Variants in GLRA2 observed in about 807,000 individuals in gnomAD.
The protein encoded by GLRA2 is glycine receptor alpha 2.
A neutral mutation model predicts 31.6 loss-of-function variants in GLRA2; 11 were observed. The observed-to-expected ratio is 0.35, with a 90% CI of 0.22 to 0.58. GLRA2 has a LOEUF of 0.58. Among genes scored for constraint, GLRA2 ranks in the 20% least tolerant of loss-of-function variants. The pLI, the probability that GLRA2 is intolerant of heterozygous loss-of-function variation, is 0.84. For missense variants in GLRA2, 212 were observed against 351.8 expected, an observed-to-expected ratio of 0.60 and a Z score of 3.18; for synonymous variants, 132 against 134.0, an observed-to-expected ratio of 0.99 and a Z score of 0.10.
chrX:14,696,492 G>A (rs1431180094), intron 8 of GLRA2, among the ~76,000 whole-genome samples: 1 of 111,988 alleles, frequency 8.9e-6, no homozygotes, highest in Admixed American at 9.4e-5. Context: ...GGAAGGCCGA[G>A]GATGGGGTCT....
At chrX:14,658,934 G>A (rs73199684) in intron 7 of GLRA2, among the ~76,000 whole-genome samples, 27,821 of 111,001 alleles carry the variant, frequency 0.25, 2,723 homozygotes, top group Non-Finnish European at 0.31. Flanking sequence ...CTTACCCAAA[G>A]TGATAGGGTA....
At chrX:14,681,910 A>AATATATATATATATATATATAT (rs1556060452) in intron 7 of GLRA2, among the ~76,000 whole-genome samples, 16 of 41,250 alleles carry the variant, frequency 3.9e-4, no homozygotes, top group South Asian at 9.1e-4. Flanking sequence ...AAAAAAAAAA[A>AATATATATATATATATATATAT]ATATATATAT....
In GLRA2 at chrX:14,574,209, CT is replaced by C. The variant is rs34714107; in HGVS notation, c.203-115del. 467 of 489,490 alleles carry C rather than the reference CT, an allele frequency of 9.5e-4. 1 individual carries two copies. Among genetic ancestry groups the C allele is most frequent in the African/African-American group, 7.2e-3 (301 of 41,581 alleles). The allele number at this position is 489,490 out of a possible 1,213,427, so 40.3% of individuals were successfully genotyped here. ...TATCATTATGCACCTCAGGGTAAAA[CT>C]TTTTTTTTGGCAATCTCACCATCAT... On this transcript the variant is annotated intron_variant, in intron 2 of 8. Transcript: ENST00000218075.
At chrX:14,475,045 C>G in the GLRA2 span, among the ~76,000 whole-genome samples, 1 of 111,457 alleles carries the variant, frequency 9.0e-6, no homozygotes, top group African/African-American at 3.3e-5. Flanking sequence ...GAGTGGACAC[C>G]TTTTTCTAGA....
chrX:14,686,686 C>A (rs1027739329), intron 7 of GLRA2, among the ~76,000 whole-genome samples: 1 of 111,479 alleles, frequency 9.0e-6, no homozygotes, highest in African/African-American at 3.3e-5. Flanking sequence ...TCCTCCATCC[C>A]TTTATTTTGA....
chrX:14,559,708 C>T (rs1008878082), intron 2 of GLRA2, among the ~76,000 whole-genome samples: 1 of 109,587 alleles, frequency 9.1e-6, no homozygotes, highest in African/African-American at 3.3e-5. Flanking sequence ...CATGAGCCAC[C>T]GCACCCAGCT....
At chrX:14,693,239 C>T (rs994287341) in intron 8 of GLRA2, among the ~76,000 whole-genome samples, 1 of 111,426 alleles carries the variant, frequency 9.0e-6, no homozygotes, top group Non-Finnish European at 1.9e-5. Flanking sequence ...AATAGGCACA[C>T]CTATAATATA....
chrX:14,696,924 G>A (rs186444155), intron 8 of GLRA2, among the ~76,000 whole-genome samples: 1 of 111,776 alleles, frequency 8.9e-6, no homozygotes, highest in Non-Finnish European at 1.9e-5. Flanking sequence ...TTAAGTCTTG[G>A]GGGGAGTTGA....
At chrX:14,658,365 G>A (rs934938552) in intron 7 of GLRA2, among the ~76,000 whole-genome samples, 4 of 111,407 alleles carry the variant, frequency 3.6e-5, no homozygotes, top group African/African-American at 6.5e-5. Flanking sequence ...AAATTAAATC[G>A]TTTTCGTCTT....
At chrX:14,683,581 G>T (rs1002276035) in intron 7 of GLRA2, among the ~76,000 whole-genome samples, 4 of 111,549 alleles carry the variant, frequency 3.6e-5, no homozygotes, top group African/African-American at 1.3e-4. Flanking sequence ...TTTGGCTTTT[G>T]TTGCCATTGC....
Position 14,657,774 on chromosome X carries a change from T to TTGATGATGATGATTGG in GLRA2, c.931-32921_931-32906dup, listed in dbSNP as rs1461795071. Among the ~76,000 whole-genome samples the TTGATGATGATGATTGG allele has an allele frequency of 1.8e-4, 20 of 112,189 alleles. 1 individual carries two copies. The Admixed American group carries it at 1.8e-3, about 10-fold the overall frequency. Reference sequence around the variant, plus strand: ...ATATCAGCCCTCAAAGGAACAATGCTTGATGATGATGATTGGTGATGATGA... The same window carrying TTGATGATGATGATTGG: ...ATATCAGCCCTCAAAGGAACAATGCTTGATGATGATGATTGGTGATGATGATGATTGGTGATGATGA... On this transcript the variant is annotated intron_variant, in intron 7 of 8. Transcript: ENST00000218075.
At chrX:14,604,681 T>C (rs1220478912) in intron 5 of GLRA2, among the ~76,000 whole-genome samples, 4 of 108,711 alleles carry the variant, frequency 3.7e-5, no homozygotes. Context: ...GCCCAAAAAA[T>C]AGCCTGATTT....
rs1194181195 is a variant in GLRA2 at position 14,533,812 on chromosome X, A to G, written c.202+1440A>G. 9.0e-5 allele frequency among the ~76,000 whole-genome samples: 10 copies of G among 111,051 alleles called. 1 individual carries two copies. Among genetic ancestry groups the G allele is most frequent in the Admixed American group, 8.7e-4 (9 of 10,355 alleles). On this transcript the variant is annotated intron_variant, in intron 2 of 8. Coordinates refer to ENST00000218075, the MANE Select transcript of GLRA2 (RefSeq NM_002063.4). ...GAGATGTTACATGAATACTTTTACT[A>G]TTAGATGGAAATAGGAAAGTACCAT... is the stretch of plus-strand genomic sequence containing the variant.
At chrX:14,468,181 T>A in the GLRA2 span, among the ~76,000 whole-genome samples, 1 of 112,214 alleles carries the variant, frequency 8.9e-6, no homozygotes, top group Non-Finnish European at 1.9e-5. Flanking sequence ...ATAATAAAAA[T>A]GATCACCAGG....
chrX:14,663,249 T>C (rs1378443205), intron 7 of GLRA2, among the ~76,000 whole-genome samples: 1 of 111,609 alleles, frequency 9.0e-6, no homozygotes, highest in Non-Finnish European at 1.9e-5. Context: ...CTTTTGTATA[T>C]ATATTTTCCC....
At chrX:14,471,156 C>T in the GLRA2 span, among the ~76,000 whole-genome samples, 894 of 111,583 alleles carry the variant, frequency 8.0e-3, 3 homozygotes, top group Non-Finnish European at 0.012. Flanking sequence ...TGTGTTGCTG[C>T]CACTATTCCC....
the GLRA2 span, among the ~76,000 whole-genome samples, chrX:14,470,777 T>G: frequency 2.7e-5 from 3 of 111,909 alleles, no homozygotes; most frequent in Non-Finnish European, 5.6e-5. Context: ...AATGAGTTGT[T>G]TCCCCTTCAA....
intron 7 of GLRA2, among the ~76,000 whole-genome samples, chrX:14,641,401 C>A (rs1002304988): frequency 9.0e-6 from 1 of 111,634 alleles, no homozygotes; most frequent in Admixed American, 9.5e-5. Flanking sequence ...GAGCAGCATT[C>A]TATATGGCAG....
At chrX:14,692,106 C>T (rs2091370079) in intron 8 of GLRA2, among the ~76,000 whole-genome samples, 1 of 111,964 alleles carries the variant, frequency 8.9e-6, no homozygotes, top group Non-Finnish European at 1.9e-5. Context: ...TGAAAGGTTT[C>T]CTGCACATAC....
Sources: allele counts gnomAD v4.1 joint callset (sites outside exome capture counted in the v4.1 genomes callset), GRCh38; gene constraint gnomAD v4.1.1; transcripts MANE v1.5; gene names NCBI Gene and HGNC (gene_info 2026-07-23, HGNC 2026-07-21).